Variants in DNAH6 observed in about 807,000 individuals in gnomAD.
DNAH6 encodes the protein axonemal beta dynein heavy chain 6.
Under a neutral mutation model 491.4 loss-of-function variants are expected in DNAH6, and 340 were observed. The ratio of observed to expected loss-of-function variants is 0.69; its 90% CI spans 0.63 to 0.76. The LOEUF (loss-of-function observed/expected upper bound fraction) is 0.76. DNAH6 is among the 30% of genes least tolerant of loss of function. DNAH6 has a pLI of 0.00. For missense variants in DNAH6, 4,443 were observed against 4,972.2 expected (o/e 0.89, Z 3.20); for synonymous variants, 1,603 against 1,686.1 (o/e 0.95, Z 1.21).
chr2:84,756,499 G>C (rs1183014040), intron 63 of DNAH6, among the ~76,000 whole-genome samples: 1 of 152,206 alleles, frequency 6.6e-6, no homozygotes, highest in Non-Finnish European at 1.5e-5. Flanking sequence ...ATGCTAAGAA[G>C]TGTAAGGACA....
chr2:84,484,358 G>A, the DNAH6 span, among the ~76,000 whole-genome samples: 2 of 152,182 alleles, frequency 1.3e-5, no homozygotes, highest in Non-Finnish European at 2.9e-5. Context: ...GAAGAATAGG[G>A]TAAAGTGTGT....
At chr2:84,488,306 G>T in the DNAH6 span, among the ~76,000 whole-genome samples, 1 of 151,722 alleles carries the variant, frequency 6.6e-6, no homozygotes, top group African/African-American at 2.4e-5. Flanking sequence ...CAGTGCACCA[G>T]CATGGCACAT....
chr2:84,807,669 T>G (rs1679550517), intron 71 of DNAH6, among the ~76,000 whole-genome samples: 1 of 152,190 alleles, frequency 6.6e-6, no homozygotes, highest in Non-Finnish European at 1.5e-5. Context: ...GTTCCTTGTC[T>G]GCCAGGCAAC....
chr2:84,749,367 T>C (rs1673253004), intron 63 of DNAH6, among the ~76,000 whole-genome samples: 1 of 152,182 alleles, frequency 6.6e-6, no homozygotes, highest in Non-Finnish European at 1.5e-5. Context: ...GAAATTTCTT[T>C]GAGAAATGAT....
chr2:84,739,744 G>A (rs998175968), intron 62 of DNAH6, among the ~76,000 whole-genome samples: 2 of 152,032 alleles, frequency 1.3e-5, no homozygotes, highest in African/African-American at 4.8e-5. Flanking sequence ...CATATCTTCT[G>A]TTCTGTTCTT....
At chr2:84,655,875 C>T (rs532481906) in intron 35 of DNAH6, among the ~76,000 whole-genome samples, 1 of 152,080 alleles carries the variant, frequency 6.6e-6, no homozygotes, top group African/African-American at 2.4e-5. Flanking sequence ...TTGAAAAATG[C>T]ATAATGTCAC....
intron 29 of DNAH6, among the ~76,000 whole-genome samples, chr2:84,630,432 G>A (rs546875810): frequency 2.5e-4 from 38 of 152,200 alleles, no homozygotes; most frequent in Middle Eastern, 3.4e-3. Flanking sequence ...GGAGTCTCTA[G>A]ATTTAAATAC....
At position 84,784,700 on chromosome 2, in the gene DNAH6, G is replaced by T. The variant is rs1243302500; in HGVS notation, c.10865-22G>T. ...CAACTAAACATTTTCCTTTTTTGTT[G>T]TTTTATCTTTGTTTTAAGCAGATAG... On this transcript the variant is annotated intron_variant, in intron 65 of 76. Transcript: ENST00000389394. The T allele has an allele frequency of 4.7e-6, 7 of 1,496,954 alleles. No homozygotes were observed. The Admixed American group carries it at 8.2e-5, about 17-fold the overall frequency. The allele number at this position is 1,496,954 out of a possible 1,614,324, so 92.7% of individuals were successfully genotyped here.
intron 70 of DNAH6, among the ~76,000 whole-genome samples, chr2:84,800,846 C>T (rs1027631220): frequency 6.6e-6 from 1 of 151,832 alleles, no homozygotes; most frequent in African/African-American, 2.4e-5. Context: ...GGAACCAACC[C>T]AAATGTCCAA....
chr2:84,704,406 T>G (rs776610358), intron 51 of DNAH6, 104 bp downstream of exon 51: 1 of 831,908 alleles, frequency 1.2e-6, no homozygotes, highest in Non-Finnish European at 1.9e-6. Flanking sequence ...ACCTTCTCAT[T>G]GCTTCAGTTG....
the DNAH6 span, among the ~76,000 whole-genome samples, chr2:84,490,148 A>G: frequency 6.6e-6 from 1 of 152,134 alleles, no homozygotes; most frequent in African/African-American, 2.4e-5. Flanking sequence ...TGTATCTACC[A>G]CATATTGTTT....
intron 69 of DNAH6, among the ~76,000 whole-genome samples, chr2:84,796,817 C>T (rs1189683119): frequency 6.6e-6 from 1 of 152,080 alleles, no homozygotes; most frequent in Non-Finnish European, 1.5e-5. Flanking sequence ...GGCAACATAA[C>T]AAGACCCAGT....
intron 22 of DNAH6, among the ~76,000 whole-genome samples, chr2:84,614,687 C>T (rs1686671681): frequency 6.6e-6 from 1 of 150,702 alleles, no homozygotes; most frequent in African/African-American, 2.4e-5. Context: ...CACATCCACA[C>T]CAACATCTAT....
chr2:84,566,701 T>C (rs978753404), intron 11 of DNAH6, among the ~76,000 whole-genome samples: 11 of 151,826 alleles, frequency 7.2e-5, no homozygotes, highest in African/African-American at 2.7e-4. Flanking sequence ...CTACCAAAAA[T>C]GTTGAAAAAA....
the DNAH6 span, among the ~76,000 whole-genome samples, chr2:84,471,458 A>G: frequency 6.6e-6 from 1 of 152,172 alleles, no homozygotes; most frequent in African/African-American, 2.4e-5. Flanking sequence ...CATTTTCTGT[A>G]ACTTCTTCAT....
At chr2:84,635,547 A>C (rs941442595) in intron 30 of DNAH6, among the ~76,000 whole-genome samples, 1 of 152,180 alleles carries the variant, frequency 6.6e-6, no homozygotes, top group African/African-American at 2.4e-5. Flanking sequence ...GCAAGTTATT[A>C]TCATCTGGCT....
Position 84,653,406 on chromosome 2 carries a change from T to C in DNAH6, c.5166T>C (p.Asn1722=), listed in dbSNP as rs193035649. Residue 1722 remains asparagine (N), a synonymous_variant, in exon 34 of 77, where the codon AAT becomes AAC. Transcript: ENST00000389394. Reference sequence around the variant, plus strand: ...AATCAACAATTGTGGATGTCATGAATAGACAAAATCTTCAGCCTGAGATGT... The same window carrying C: ...AATCAACAATTGTGGATGTCATGAACAGACAAAATCTTCAGCCTGAGATGT... ...ILQSTIVDVM[N]RQNLQPEMCM... is the part of the protein sequence containing the mutation. 2.8e-5 allele frequency: 43 copies of C among 1,551,100 alleles called. No homozygotes were observed. The African/African-American group carries it at 5.5e-4, about 20-fold the overall frequency.
At chr2:84,571,774 A>G (rs1681908735) in intron 11 of DNAH6, among the ~76,000 whole-genome samples, 1 of 150,372 alleles carries the variant, frequency 6.7e-6, no homozygotes, top group African/African-American at 2.5e-5. Context: ...AAAAAAAAAA[A>G]TTAGCGTGGT....
At chr2:84,536,618 G>A (rs1558678399) in intron 4 of DNAH6, among the ~76,000 whole-genome samples, 1 of 151,938 alleles carries the variant, frequency 6.6e-6, no homozygotes, top group Non-Finnish European at 1.5e-5. Context: ...TGGTACCTTT[G>A]GTGAATAATT....
Sources: gnomAD v4.1 joint callset for allele counts (sites outside exome capture counted in the v4.1 genomes callset) on GRCh38, gnomAD v4.1.1 for gene constraint, MANE v1.5 for transcripts, NCBI Gene and HGNC (gene_info 2026-07-23, HGNC 2026-07-21) for gene names.